Variants in ZNF638 observed in about 807,000 individuals in gnomAD.
ZNF638 encodes CTCL tumor antigen se33-1.
ZNF638 carries 46 observed loss-of-function variants against 195.6 expected under a neutral mutation model. That is an observed-to-expected ratio of 0.24 (90% CI 0.19 to 0.30). The LOEUF (loss-of-function observed/expected upper bound fraction) is 0.30. ZNF638 is among the 10% of genes least tolerant of loss of function. The probability of loss-of-function intolerance (pLI) is 1.00; values close to 1 mark genes in which losing one functional copy is unlikely to be tolerated. For synonymous variants in ZNF638, 845 were observed against 772.0 expected (o/e 1.09, Z -1.57); for missense variants, 2,440 against 2,325.3 (o/e 1.05, Z -1.01).
intron 16 of ZNF638, among the ~76,000 whole-genome samples, chr2:71,402,361 G>A (rs1368425794): frequency 1.3e-5 from 2 of 151,978 alleles, no homozygotes; most frequent in Admixed American, 6.5e-5. Context: ...TCTTCAATAT[G>A]TTTAATAAAT....
At chr2:71,396,284 CAT>C in intron 11 of ZNF638, 93 bp downstream of exon 11, 9 of 1,022,572 alleles carry the variant, frequency 8.8e-6, no homozygotes, top group Non-Finnish European at 1.3e-5. Context: ...TTTCACATGA[CAT>C]AGTCTGTATT....
chr2:71,418,720 C>T (rs1484496067), intron 21 of ZNF638, 81 bp downstream of exon 21: 3 of 999,750 alleles, frequency 3.0e-6, no homozygotes, highest in South Asian at 2.0e-5. Flanking sequence ...AGTAATGGCT[C>T]ACATGTAGTG....
chr2:71,356,425 C>G (rs1277431062), intron 3 of ZNF638, among the ~76,000 whole-genome samples: 2 of 152,132 alleles, frequency 1.3e-5, no homozygotes, highest in Non-Finnish European at 2.9e-5. Context: ...TTCCTAGCCA[C>G]TAGACTGAGA....
intron 2 of ZNF638, among the ~76,000 whole-genome samples, chr2:71,354,774 G>A (rs1486317344): frequency 6.6e-6 from 1 of 151,202 alleles, no homozygotes; most frequent in Non-Finnish European, 1.5e-5. Flanking sequence ...GAAGCATTTC[G>A]TTAATTGTAA....
At chr2:71,431,699 G>T (rs998523010) in intron 26 of ZNF638, among the ~76,000 whole-genome samples, 2 of 151,510 alleles carry the variant, frequency 1.3e-5, no homozygotes, top group Non-Finnish European at 2.9e-5. Flanking sequence ...GGCGGAGCTT[G>T]CAGTGAGCCG....
chr2:71,403,606 G>C (rs1323173523), intron 16 of ZNF638, among the ~76,000 whole-genome samples: 1 of 152,104 alleles, frequency 6.6e-6, no homozygotes, highest in Non-Finnish European at 1.5e-5. Flanking sequence ...CTTAATGTCA[G>C]TGGCTAGAAT....
chr2:71,362,372 A>G (rs977037707), intron 3 of ZNF638, among the ~76,000 whole-genome samples: 2 of 152,050 alleles, frequency 1.3e-5, no homozygotes, highest in African/African-American at 4.8e-5. Flanking sequence ...CTAATTCCAG[A>G]TATTCCTTTA....
Position 71,380,583 on chromosome 2 carries a change from A to G in ZNF638, c.2377+18A>G. The G allele has an allele frequency of 2.5e-6, 4 of 1,588,360 alleles. No homozygotes were observed. Among genetic ancestry groups the G allele is most frequent in the East Asian group, 2.3e-5 (1 of 44,232 alleles). ...TTCTGCTGGTAAGTTGTTACTTTTA[A>G]TATTCTTTCAAATGAGTGTATCTTG... On this transcript the variant is annotated intron_variant, in intron 10 of 27. Transcript: ENST00000264447.
At chr2:71,386,469 G>C (rs1380415719) in intron 10 of ZNF638, among the ~76,000 whole-genome samples, 1 of 152,104 alleles carries the variant, frequency 6.6e-6, no homozygotes, top group Admixed American at 6.5e-5. Context: ...CTGAGAATAT[G>C]CATCAACACC....
At chr2:71,410,662 A>G (rs1404955981) in intron 20 of ZNF638, among the ~76,000 whole-genome samples, 2 of 152,228 alleles carry the variant, frequency 1.3e-5, no homozygotes, top group African/African-American at 4.8e-5. Flanking sequence ...AGTGGTAAAA[A>G]GACTGTGAAT....
Position 71,349,046 on chromosome 2 carries a change from T to G in ZNF638, c.92T>G (p.Phe31Cys). 1 of 1,614,164 alleles carries G rather than the reference T, an allele frequency of 6.2e-7. No homozygotes were observed. The highest frequency in any genetic ancestry group is 1.1e-5 in the South Asian group (1 of 91,078). The change falls in exon 2 of 28, where the codon TTT (phenylalanine) becomes TGT (cysteine). Residue 31 changes from phenylalanine (F) to cysteine (C), a missense_variant. Physicochemically the swap from Phe to Cys is radical, Grantham distance 205. Around this residue, in one of 5 missense-constraint regions of ZNF638, gnomAD observed 191 missense variants for 173.8 expected, o/e 1.10. Coordinates refer to ENST00000264447, the MANE Select transcript of ZNF638 (RefSeq NM_014497.5). ...TCTGGGATGAGGCCTCCAGGACCAT[T>G]TATGAGGCCTGGATCTATGGGTCTC... The part of the protein sequence containing the change: ...NPSGMRPPGP[F>C]MRPGSMGLPR...
chr2:71,377,344 C>CA lies in ZNF638; in HGVS notation c.2266-2870dup, dbSNP rs201563992. On this transcript the variant is annotated intron_variant, in intron 8 of 27. Transcript: ENST00000264447. ...CATACTACTGCATTTCAACCTTGTG[C>CA]AAAAAAAACAATTTTTAAAACTTCA... 3.3e-3 allele frequency among the ~76,000 whole-genome samples: 495 copies of CA among 151,430 alleles called. 3 individuals are homozygous for CA. Among genetic ancestry groups the CA allele is most frequent in the African/African-American group, 0.011 (465 of 41,264 alleles).
Position 71,426,635 on chromosome 2 carries a change from C to T in ZNF638, c.4766C>T (p.Pro1589Leu), listed in dbSNP as rs1573172689. Residue 1589 changes from proline to leucine, a missense_variant, in exon 24 of 28, where the codon CCT becomes CTT. Around this residue, in one of 5 missense-constraint regions of ZNF638, gnomAD observed 1,883 missense variants for 1,739.1 expected, o/e 1.08. Transcript: ENST00000264447. ...AAGAAAAAGGGGAAAACTTCCACTCCTCGTGGTGTTGAGGGAGAACTATCT... is the reference window on the plus strand; with the variant it reads ...AAGAAAAAGGGGAAAACTTCCACTCTTCGTGGTGTTGAGGGAGAACTATCT... ...LKKKKGKTST[P>L]RGVEGELSFV... 2 of 1,614,104 alleles carry T rather than the reference C, an allele frequency of 1.2e-6. No individual in the cohort carries two copies. Among genetic ancestry groups the T allele is most frequent in the Admixed American group, 1.7e-5 (1 of 60,008 alleles).
chr2:71,392,831 T>C (rs952652381), intron 10 of ZNF638, among the ~76,000 whole-genome samples: 1 of 152,150 alleles, frequency 6.6e-6, no homozygotes, highest in African/African-American at 2.4e-5. Context: ...ACTAGAACCT[T>C]ATCCATTATA....
chr2:71,349,735 T>C lies in ZNF638; in HGVS notation c.781T>C (p.Ser261Pro), dbSNP rs757214105. 5 of 1,614,176 alleles carry C rather than the reference T, an allele frequency of 3.1e-6. No homozygotes were observed. The highest frequency in any genetic ancestry group is 2.5e-6 in the Non-Finnish European group (3 of 1,180,036). ...SVPNPNVICN[S>P]MFPVEDVFRQ... The stretch of plus-strand genomic sequence containing the variant: ...TCCCAATCCAAATGTGATATGTAAT[T>C]CTATGTTTCCTGTTGAAGACGTATT... The change falls in exon 2 of 28, where the codon TCT becomes CCT. Residue 261 changes from serine (S) to proline (P), a missense_variant. Ser to Pro is a moderately conservative substitution (Grantham distance 74, BLOSUM62 -1). Coordinates refer to ENST00000264447, the MANE Select transcript of ZNF638 (RefSeq NM_014497.5).
Position 71,368,406 on chromosome 2 carries a change from T to G in ZNF638, c.2020T>G (p.Tyr674Asp), listed in dbSNP as rs373124717. The change falls in exon 7 of 28, where the codon TAT becomes GAT. Residue 674 changes from tyrosine (Y) to aspartate (D), a missense_variant. This residue lies in a region of ZNF638 where 1,883 missense variants were observed against 1,739.1 expected (regional missense o/e 1.08). Transcript: ENST00000264447. ...RKLRKEQSLH[Y>D]GSVLLITELP... is the part of the protein sequence containing the mutation. ...GCTTCGGAAAGAACAGTCATTGCAT[T>G]ATGGTTCGGTTCTTCTTATAACTGA... 3.1e-6 allele frequency: 5 copies of G among 1,612,450 alleles called. No individual in the cohort carries two copies. The highest frequency in any genetic ancestry group is 4.2e-6 in the Non-Finnish European group (5 of 1,179,516).
At position 71,426,967 on chromosome 2, in the gene ZNF638, A is replaced by G. The variant is rs1456139879; in HGVS notation, c.5098A>G (p.Ile1700Val). ...GCTACCTTTGAATGAGTCAGCAGAC[A>G]TAACTTTTGCCACTTTAAATACTAA... ...EELPLNESADITFATLNTKGN... is the reference protein window; with the variant it reads ...EELPLNESADVTFATLNTKGN... Residue 1700 changes from isoleucine (I) to valine (V), a missense_variant, in exon 24 of 28, where the codon ATA (isoleucine) becomes GTA (valine). Ile to Val is a conservative substitution (Grantham distance 29). Around this residue, in one of 5 missense-constraint regions of ZNF638, gnomAD observed 1,883 missense variants for 1,739.1 expected, o/e 1.08. Transcript: ENST00000264447. The G allele has an allele frequency of 8.1e-6, 13 of 1,612,716 alleles. No homozygotes were observed. The highest frequency in any genetic ancestry group is 1.0e-5 in the Non-Finnish European group (12 of 1,179,534).
chr2:71,394,792 C>G (rs2079859485), intron 10 of ZNF638, among the ~76,000 whole-genome samples: 1 of 152,192 alleles, frequency 6.6e-6, no homozygotes, highest in South Asian at 2.1e-4. Flanking sequence ...CAAATAGCTG[C>G]TTTTGTAGAT....
At chr2:71,348,463 G>C (rs769085515) in intron 1 of ZNF638, 3 of 1,016,994 alleles carry the variant, frequency 2.9e-6, no homozygotes, top group Non-Finnish European at 2.4e-6. Context: ...TATTTTTCAA[G>C]ATTATGTAAA....
Sources: allele counts gnomAD v4.1 joint callset (sites outside exome capture counted in the v4.1 genomes callset), GRCh38; gene constraint gnomAD v4.1.1; regional missense constraint gnomAD v4.1.1; transcripts MANE v1.5; gene names NCBI Gene and HGNC (gene_info 2026-07-23, HGNC 2026-07-21).